Variants in ATP9A observed in about 807,000 individuals in gnomAD.
The protein encoded by ATP9A is ATPase phospholipid transporting 9A.
ATP9A carries 52 observed loss-of-function variants against 144.1 expected under a neutral mutation model. The observed-to-expected ratio is 0.36, with a 90% CI of 0.29 to 0.45. The LOEUF is 0.45. Ranked by LOEUF, ATP9A falls within the 20% of genes least tolerant of loss-of-function variation. The pLI is 1.00. For synonymous variants in ATP9A, 582 were observed against 557.4 expected (o/e 1.04, Z -0.62); for missense variants, 947 against 1,392.7 (o/e 0.68, Z 5.09).
Position 51,729,815 on chromosome 20 carries a change from G to A in ATP9A, c.213+19C>T, listed in dbSNP as rs8118392. Reference sequence around the variant, plus strand: ...TGTGATGGAAAAAAGAAAAGAGCACGGTCCCTGCCTGCACGTACCCCAGGA... The same window carrying A: ...TGTGATGGAAAAAAGAAAAGAGCACAGTCCCTGCCTGCACGTACCCCAGGA... On this transcript the variant is annotated intron_variant, in intron 2 of 27. Coordinates refer to ENST00000338821, the MANE Select transcript of ATP9A (RefSeq NM_006045.3). 0.026 allele frequency: 40,298 copies of A among 1,536,996 alleles called. 1,660 individuals are homozygous for A. The highest frequency in any genetic ancestry group is 0.19 in the African/African-American group (13,641 of 71,306).
At chr20:51,686,127 A>C (rs1206922401) in intron 9 of ATP9A, among the ~76,000 whole-genome samples, 1 of 152,172 alleles carries the variant, frequency 6.6e-6, no homozygotes, top group African/African-American at 2.4e-5. Context: ...CGGAAAACCA[A>C]ACATGGCATG....
intron 9 of ATP9A, among the ~76,000 whole-genome samples, chr20:51,687,609 TA>T (rs2077528759): frequency 6.6e-6 from 1 of 151,924 alleles, no homozygotes; most frequent in Non-Finnish European, 1.5e-5. Flanking sequence ...AAAAAGTATT[TA>T]AAAATTAGCT....
intron 19 of ATP9A, 58 bp downstream of exon 19, chr20:51,622,016 G>A (rs1180692661): frequency 6.8e-7 from 1 of 1,477,778 alleles, no homozygotes; most frequent in Non-Finnish European, 9.4e-7. Context: ...AAGGTTAGGA[G>A]GTTATAGGAC....
Position 51,598,991 on chromosome 20 carries a change from C to G in ATP9A, c.*2220G>C, listed in dbSNP as rs2077131079. On this transcript the variant is annotated 3_prime_UTR_variant, in exon 28 of 28. Coordinates refer to ENST00000338821, the MANE Select transcript of ATP9A (RefSeq NM_006045.3). Reference sequence around the variant, plus strand: ...TGGCTTCTTCAGCCCCTCCTGGGAGCATTCTCCCTTGAAGATGTCAATCAG... The same window carrying G: ...TGGCTTCTTCAGCCCCTCCTGGGAGGATTCTCCCTTGAAGATGTCAATCAG... The G allele has an allele frequency of 6.6e-6, 1 of 152,266 alleles. No homozygotes were observed. The highest frequency in any genetic ancestry group is 2.1e-4 in the South Asian group (1 of 4,838). 9.4% of individuals were successfully genotyped at this position (152,266 alleles called of 1,614,324 possible). A position where few individuals can be genotyped will look rare whatever the true frequency, so the allele number is the denominator to read the frequency against.
At chr20:51,718,926 G>A (rs539815278) in intron 3 of ATP9A, among the ~76,000 whole-genome samples, 3 of 150,690 alleles carry the variant, frequency 2.0e-5, no homozygotes, top group African/African-American at 7.3e-5. Flanking sequence ...TCAGGAGTTC[G>A]AGACCAGCCT....
At chr20:51,758,754 G>A (rs140751684) in intron 1 of ATP9A, among the ~76,000 whole-genome samples, 1,734 of 152,144 alleles carry the variant, frequency 0.011, 33 homozygotes, top group African/African-American at 0.038. Context: ...GTGAAACCCC[G>A]TCTCTACTAA....
Position 51,652,024 on chromosome 20 carries a change from C to T in ATP9A, c.1506+4914G>A, listed in dbSNP as rs2122763900. Among the ~76,000 whole-genome samples the T allele has an allele frequency of 2.0e-5, 3 of 152,292 alleles. No individual in the cohort carries two copies. In the South Asian group the frequency reaches 6.2e-4, roughly 32 times the overall value. ...GAGCTGATCCTAGCTGCTTACAGGA[C>T]AGCACCTCCTGGCTCAAACCAAGAA... On this transcript the variant is annotated intron_variant, in intron 14 of 27. Coordinates refer to ENST00000338821, the MANE Select transcript of ATP9A (RefSeq NM_006045.3).
intron 1 of ATP9A, among the ~76,000 whole-genome samples, chr20:51,745,426 C>A (rs1391911090): frequency 5.3e-4 from 76 of 142,600 alleles, no homozygotes; most frequent in African/African-American, 4.9e-4. Context: ...GATTCTGTCT[C>A]AAAAAAAAAA....
intron 10 of ATP9A, among the ~76,000 whole-genome samples, chr20:51,674,989 T>G (rs912575068): frequency 2.6e-5 from 4 of 152,124 alleles, no homozygotes; most frequent in Admixed American, 2.6e-4. Context: ...TTTTTGTATT[T>G]TTAGTAGAGA....
At chr20:51,721,146 G>C (rs879891109) in intron 3 of ATP9A, among the ~76,000 whole-genome samples, 1 of 152,204 alleles carries the variant, frequency 6.6e-6, no homozygotes, top group Non-Finnish European at 1.5e-5. Context: ...AACATGGCAC[G>C]TACGGCGTAT....
chr20:51,646,842 C>T (rs749415008), intron 14 of ATP9A, among the ~76,000 whole-genome samples: 13 of 152,046 alleles, frequency 8.6e-5, no homozygotes, highest in Non-Finnish European at 2.9e-5. Context: ...TCTTGCCAGG[C>T]GCAGTGGCTC....
intron 4 of ATP9A, among the ~76,000 whole-genome samples, chr20:51,700,132 C>G (rs180848731): frequency 6.2e-4 from 94 of 152,278 alleles, no homozygotes; most frequent in Admixed American, 1.8e-3. Flanking sequence ...CCCTGGCCTG[C>G]TAGAGAGAGA....
At chr20:51,624,086 C>T (rs564157985) in intron 18 of ATP9A, among the ~76,000 whole-genome samples, 2 of 152,356 alleles carry the variant, frequency 1.3e-5, no homozygotes, top group South Asian at 4.1e-4. Context: ...CACGATGAAG[C>T]AGAAATGGGC....
intron 22 of ATP9A, 85 bp from the exon 23 acceptor site, chr20:51,613,917 G>T (rs996498654): frequency 2.9e-6 from 4 of 1,381,704 alleles, no homozygotes; most frequent in Admixed American, 4.6e-5. Flanking sequence ...GCAAGACATT[G>T]TAGGAAATCT....
At chr20:51,730,189 C>A (rs2077734435) in intron 1 of ATP9A, among the ~76,000 whole-genome samples, 1 of 152,112 alleles carries the variant, frequency 6.6e-6, no homozygotes, top group Admixed American at 6.6e-5. Context: ...TTTGTCCTGG[C>A]CAGGCGCGGT....
chr20:51,761,496 T>C (rs2122921093), intron 1 of ATP9A, among the ~76,000 whole-genome samples: 1 of 152,236 alleles, frequency 6.6e-6, no homozygotes, highest in Non-Finnish European at 1.5e-5. Context: ...GCGCCGTGGC[T>C]CACGGCTGTA....
chr20:51,699,140 A>G (rs1039663018), intron 4 of ATP9A, among the ~76,000 whole-genome samples: 1 of 152,070 alleles, frequency 6.6e-6, no homozygotes, highest in Admixed American at 6.6e-5. Flanking sequence ...TCAGGAGTTC[A>G]AGACCAGCCT....
chr20:51,765,873 CTT>C, intron 1 of ATP9A, among the ~76,000 whole-genome samples: 1 of 152,024 alleles, frequency 6.6e-6, no homozygotes, highest in Non-Finnish European at 1.5e-5. Flanking sequence ...AGAAGAATCG[CTT>C]GAACCCAGGA....
intron 8 of ATP9A, among the ~76,000 whole-genome samples, chr20:51,689,377 G>T (rs115723798): frequency 2.8e-4 from 42 of 152,196 alleles, no homozygotes; most frequent in African/African-American, 8.9e-4. Flanking sequence ...TTTAAGAAGC[G>T]CAGGCCTCTT....
Sources: allele counts gnomAD v4.1 joint callset (sites outside exome capture counted in the v4.1 genomes callset), GRCh38; gene constraint gnomAD v4.1.1; transcripts MANE v1.5; gene names NCBI Gene and HGNC (gene_info 2026-07-23, HGNC 2026-07-21).